DCDC1: variants seen among roughly 807,000 people sequenced by gnomAD.
The protein encoded by DCDC1 is doublecortin domain-containing protein 1.
DCDC1 carries 200 observed loss-of-function variants against 178.3 expected under a neutral mutation model. The ratio of observed to expected loss-of-function variants is 1.12; its 90% confidence interval spans 1.00 to 1.26. DCDC1 has a LOEUF of 1.26. Ranked by LOEUF, DCDC1 falls within the 50% of genes most tolerant of loss-of-function variation. The pLI is 0.00. For synonymous variants in DCDC1, 690 were observed against 604.8 expected (o/e 1.14, Z -2.07); for missense variants, 1,983 against 1,749.2 (o/e 1.13, Z -2.38).
chr11:31,017,556 A>G (rs1376891591), intron 20 of DCDC1, among the ~76,000 whole-genome samples: 2 of 152,088 alleles, frequency 1.3e-5, no homozygotes, highest in Non-Finnish European at 2.9e-5. Flanking sequence ...ATGGTAAAAA[A>G]AAAAACCTAT....
chr11:30,997,068 A>C (rs547785752), intron 20 of DCDC1, among the ~76,000 whole-genome samples: 55 of 152,370 alleles, frequency 3.6e-4, no homozygotes, highest in African/African-American at 1.2e-3. Context: ...CTATTTGAGA[A>C]AAAAAGCCAG....
At chr11:31,007,082 G>A (rs1227602888) in intron 20 of DCDC1, among the ~76,000 whole-genome samples, 1 of 152,132 alleles carries the variant, frequency 6.6e-6, no homozygotes, top group African/African-American at 2.4e-5. Context: ...TAAGGCTGGA[G>A]TCCATAATAT....
At chr11:31,254,423 G>T (rs1177949082) in intron 8 of DCDC1, among the ~76,000 whole-genome samples, 3 of 152,148 alleles carry the variant, frequency 2.0e-5, no homozygotes, top group Admixed American at 6.6e-5. Flanking sequence ...CAAAAAAATT[G>T]AGGGATATTT....
chr11:31,166,968 G>A lies in DCDC1; in HGVS notation c.1222-29184C>T, dbSNP rs1291305454. On this transcript the variant is annotated intron_variant, in intron 9 of 38. Transcript: ENST00000684477. ...TCAACTCTGATATCCTTGGTACCCC[G>A]AACTAATGCTAGCAATTGTCTCCCT... Among the ~76,000 whole-genome samples, 7 of 152,128 alleles carry A rather than the reference G, an allele frequency of 4.6e-5. No homozygotes were observed. In the East Asian group the frequency reaches 7.7e-4, roughly 17 times the overall value.
At position 31,359,323 on chromosome 11, in the gene DCDC1, C is replaced by T. The variant is rs1161210770; in HGVS notation, c.-125+10374G>A. 2.6e-5 allele frequency among the ~76,000 whole-genome samples: 4 copies of T among 151,194 alleles called. No homozygotes were observed. The East Asian group carries it at 7.8e-4, about 29-fold the overall frequency. On this transcript the variant is annotated intron_variant, in intron 1 of 38. Coordinates refer to ENST00000684477, the MANE Select transcript of DCDC1 (RefSeq NM_001387274.1). The stretch of plus-strand genomic sequence containing the variant: ...ATTGGAAATCATCATTCTCGGTAAA[C>T]TATCGCAAGAACAAAAAACCAAACA...
At chr11:31,162,242 A>G (rs1966377345) in intron 9 of DCDC1, among the ~76,000 whole-genome samples, 3 of 152,184 alleles carry the variant, frequency 2.0e-5, no homozygotes, top group Admixed American at 6.6e-5. Flanking sequence ...ATAAGCAAAC[A>G]GTCAAATATC....
intron 25 of DCDC1, among the ~76,000 whole-genome samples, chr11:30,919,624 T>G (rs1946101095): frequency 6.6e-6 from 1 of 152,212 alleles, no homozygotes; most frequent in Non-Finnish European, 1.5e-5. Context: ...CTAGGACCAA[T>G]CATTCTCTCT....
chr11:31,249,441 T>C (rs1033196318), intron 8 of DCDC1, among the ~76,000 whole-genome samples: 5 of 152,172 alleles, frequency 3.3e-5, no homozygotes, highest in Admixed American at 6.6e-5. Context: ...AGTAAAAATA[T>C]AAATTAGTGG....
intron 20 of DCDC1, among the ~76,000 whole-genome samples, chr11:31,030,224 T>G (rs936526295): frequency 2.0e-5 from 3 of 152,160 alleles, no homozygotes; most frequent in African/African-American, 7.2e-5. Flanking sequence ...GAAAATCAAT[T>G]ACCTTCTTGC....
chr11:31,039,014 G>T (rs1407257), intron 20 of DCDC1, among the ~76,000 whole-genome samples: 52,685 of 151,954 alleles, frequency 0.35, 9,504 homozygotes, highest in Middle Eastern at 0.39. Flanking sequence ...ATCATTTGAT[G>T]AAGTAACTTT....
intron 3 of DCDC1, among the ~76,000 whole-genome samples, chr11:31,313,437 A>C (rs1185653233): frequency 6.6e-6 from 1 of 152,166 alleles, no homozygotes; most frequent in Non-Finnish European, 1.5e-5. Flanking sequence ...TCTGTCTTTC[A>C]GGGGTCCTAG....
At position 31,306,373 on chromosome 11, in the gene DCDC1, A is replaced by C. The variant is rs182495672; in HGVS notation, c.450T>G (p.Ser150=). 1.9e-6 allele frequency: 3 copies of C among 1,608,572 alleles called. No individual in the cohort carries two copies. The highest frequency in any genetic ancestry group is 2.2e-5 in the South Asian group (2 of 89,834). Residue 150 remains serine, a synonymous_variant, in exon 5 of 39, where the codon TCT becomes TCG. Transcript: ENST00000684477. ...TCCGGGCTGACTGAAATTTTAAAGA[A>C]GAGAACTCTGCAACCCTGAAGAAAA... ...PVGQLRVAEF[S]SLKFQSARNW...
chr11:31,097,612 T>C (rs573094876), intron 15 of DCDC1, among the ~76,000 whole-genome samples: 75 of 152,124 alleles, frequency 4.9e-4, no homozygotes, highest in South Asian at 2.1e-3. Flanking sequence ...GAGTTGAGAG[T>C]AGAAAATATC....
intron 15 of DCDC1, among the ~76,000 whole-genome samples, chr11:31,100,733 T>C (rs1958454335): frequency 6.6e-6 from 1 of 152,094 alleles, no homozygotes; most frequent in Admixed American, 6.6e-5. Flanking sequence ...GGAGGTAGAT[T>C]AGAGGAGAAT....
chr11:31,017,622 C>T (rs1318465657), intron 20 of DCDC1, among the ~76,000 whole-genome samples: 2 of 151,708 alleles, frequency 1.3e-5, no homozygotes, highest in Admixed American at 6.6e-5. Context: ...CTCTGTCTCC[C>T]AGGCTGGAGT....
At chr11:30,963,775 C>T (rs1949259233) in intron 20 of DCDC1, among the ~76,000 whole-genome samples, 1 of 152,132 alleles carries the variant, frequency 6.6e-6, no homozygotes, top group Non-Finnish European at 1.5e-5. Flanking sequence ...AGTCTCTTTG[C>T]CACAGCAGCT....
Position 31,000,306 on chromosome 11 carries a change from T to A in DCDC1, c.2592-47738A>T, listed in dbSNP as rs183140687. Among the ~76,000 whole-genome samples the A allele has an allele frequency of 4.8e-4, 73 of 152,296 alleles. 2 individuals carry two copies. Among genetic ancestry groups the A allele is most frequent in the African/African-American group, 1.6e-3 (67 of 41,588 alleles). On this transcript the variant is annotated intron_variant, in intron 20 of 38. Coordinates refer to ENST00000684477, the MANE Select transcript of DCDC1 (RefSeq NM_001387274.1). ...CTTCAACACTGTTTGCAATCTTTAT[T>A]ATAATATTTAGTCTCCTCTTCTCAT... is the stretch of plus-strand genomic sequence containing the variant.
chr11:30,950,006 T>C (rs1261040304), intron 21 of DCDC1, among the ~76,000 whole-genome samples: 1 of 151,822 alleles, frequency 6.6e-6, no homozygotes, highest in Non-Finnish European at 1.5e-5. Flanking sequence ...AGTATAATAA[T>C]AAAAAATGGG....
chr11:30,935,480 T>C (rs1462591847), intron 21 of DCDC1, among the ~76,000 whole-genome samples: 1 of 152,158 alleles, frequency 6.6e-6, no homozygotes, highest in African/African-American at 2.4e-5. Context: ...TTTGGCCTTC[T>C]CTTCTTTGTA....
Sources: allele counts gnomAD v4.1 joint callset (sites outside exome capture counted in the v4.1 genomes callset), GRCh38; gene constraint gnomAD v4.1.1; transcripts MANE v1.5; gene names NCBI Gene and HGNC (gene_info 2026-07-23, HGNC 2026-07-21).